Variants in CREBRF observed in about 807,000 individuals in gnomAD.
The protein encoded by CREBRF is CREB3 regulatory factor, also known as UPF0474 protein C5orf41.
In CREBRF, 5 loss-of-function variants were observed where a neutral mutation model predicts 66.1. That is an observed-to-expected ratio of 0.08 (90% CI 0.04 to 0.16). The LOEUF (loss-of-function observed/expected upper bound fraction) is 0.16, where lower values mean the gene tolerates loss of function less well. CREBRF is among the 10% of genes least tolerant of loss of function. The probability of loss-of-function intolerance (pLI) is 1.00; values close to 1 mark genes in which losing one functional copy is unlikely to be tolerated. For missense variants in CREBRF, 531 were observed against 744.9 expected (o/e 0.71, Z 3.34); for synonymous variants, 229 against 264.4 (o/e 0.87, Z 1.30).
intron 1 of CREBRF, among the ~76,000 whole-genome samples, chr5:173,069,948 G>C (rs1293618658): frequency 6.6e-6 from 1 of 151,804 alleles, no homozygotes; most frequent in Non-Finnish European, 1.5e-5. Flanking sequence ...TGTAGTCTAG[G>C]CTGGAATGCA....
At chr5:173,107,144 G>A (rs1250560190) in intron 4 of CREBRF, among the ~76,000 whole-genome samples, 4 of 152,150 alleles carry the variant, frequency 2.6e-5, no homozygotes, top group African/African-American at 4.8e-5. Flanking sequence ...GTATATAAAT[G>A]GAAGCATGCT....
chr5:173,120,196 T>C (rs930507759), intron 7 of CREBRF, among the ~76,000 whole-genome samples: 7 of 152,118 alleles, frequency 4.6e-5, no homozygotes, highest in Non-Finnish European at 1.0e-4. Context: ...TCTCTCTTTC[T>C]TTTTTGTTTG....
At chr5:173,091,801 A>G (rs1189396254) in intron 4 of CREBRF, 1 of 990,428 alleles carries the variant, frequency 1.0e-6, no homozygotes, top group East Asian at 1.1e-4. Context: ...ATTCCTGTTT[A>G]GGGCCAGGCG....
At chr5:173,074,391 A>G (rs1757698893) in intron 1 of CREBRF, among the ~76,000 whole-genome samples, 1 of 152,148 alleles carries the variant, frequency 6.6e-6, no homozygotes, top group African/African-American at 2.4e-5. Context: ...CAAAGATTAA[A>G]GTTGGATAGG....
At chr5:173,132,824 T>TCCGACCTCAGGTGATCTG (rs968974126) in intron 8 of CREBRF, among the ~76,000 whole-genome samples, 10 of 149,774 alleles carry the variant, frequency 6.7e-5, no homozygotes, top group African/African-American at 1.5e-4. Flanking sequence ...GTCTTGAACT[T>TCCGACCTCAGGTGATCTG]CCGACCTCAG....
intron 1 of CREBRF, among the ~76,000 whole-genome samples, chr5:173,073,419 A>C (rs1192697302): frequency 3.3e-5 from 5 of 152,232 alleles, no homozygotes; most frequent in Admixed American, 6.5e-5. Context: ...AATGTACTTT[A>C]ATCTGTAAAC....
At chr5:173,068,356 A>G (rs927440010) in intron 1 of CREBRF, among the ~76,000 whole-genome samples, 2 of 152,210 alleles carry the variant, frequency 1.3e-5, no homozygotes, top group Non-Finnish European at 2.9e-5. Flanking sequence ...CAAGTATGGT[A>G]TAAACTCTGT....
At chr5:173,129,832 GTTTT>G (rs1223571529) in intron 8 of CREBRF, among the ~76,000 whole-genome samples, 1 of 150,672 alleles carries the variant, frequency 6.6e-6, no homozygotes, top group African/African-American at 2.4e-5. Context: ...TTGTTTGTTT[GTTTT>G]TTGTTTTTGA....
At chr5:173,124,974 A>G (rs954137388) in intron 8 of CREBRF, among the ~76,000 whole-genome samples, 23 of 137,532 alleles carry the variant, frequency 1.7e-4, no homozygotes, top group Non-Finnish European at 7.6e-5. Flanking sequence ...GCAGTAGTGC[A>G]GTGGCACAAT....
intron 4 of CREBRF, among the ~76,000 whole-genome samples, chr5:173,094,433 C>T (rs1376920215): frequency 6.6e-6 from 1 of 152,174 alleles, no homozygotes; most frequent in African/African-American, 2.4e-5. Context: ...TTTTCCACAT[C>T]CTCAATAACA....
intron 1 of CREBRF, among the ~76,000 whole-genome samples, chr5:173,066,952 C>G (rs1757453613): frequency 6.6e-6 from 1 of 151,236 alleles, no homozygotes; most frequent in African/African-American, 2.4e-5. Context: ...GTGTCTGGGA[C>G]TACAGGTGCC....
chr5:173,132,747 G>GT (rs1759503395), intron 8 of CREBRF, among the ~76,000 whole-genome samples: 1 of 148,812 alleles, frequency 6.7e-6, no homozygotes, highest in Non-Finnish European at 1.5e-5. Flanking sequence ...TTATAGACAT[G>GT]TGCCACCACA....
At chr5:173,059,847 A>C (rs1243296109) in intron 1 of CREBRF, among the ~76,000 whole-genome samples, 1 of 152,202 alleles carries the variant, frequency 6.6e-6, no homozygotes, top group Non-Finnish European at 1.5e-5. Flanking sequence ...GGTTTTTTAT[A>C]TTCATAAGCA....
At chr5:173,092,148 G>A in intron 4 of CREBRF, 1 of 915,030 alleles carries the variant, frequency 1.1e-6, no homozygotes, top group Non-Finnish European at 1.3e-6. Context: ...TTATAGTTGA[G>A]ATAAGTTAGG....
At chr5:173,059,438 A>G (rs1363109781) in intron 1 of CREBRF, among the ~76,000 whole-genome samples, 1 of 150,630 alleles carries the variant, frequency 6.6e-6, no homozygotes, top group Admixed American at 6.6e-5. Flanking sequence ...CTAATTTTGT[A>G]TTTTTAGTAG....
intron 7 of CREBRF, among the ~76,000 whole-genome samples, chr5:173,113,498 G>C (rs1464761971): frequency 2.0e-5 from 3 of 151,866 alleles, no homozygotes; most frequent in Non-Finnish European, 2.9e-5. Flanking sequence ...AGTAGAGACA[G>C]TGTTTCACCA....
At chr5:173,071,104 G>A (rs959370878) in intron 1 of CREBRF, among the ~76,000 whole-genome samples, 2 of 152,046 alleles carry the variant, frequency 1.3e-5, no homozygotes, top group Non-Finnish European at 2.9e-5. Context: ...GAGTAAAGTG[G>A]GATTGTAACT....
At position 173,090,042 on chromosome 5, in the gene CREBRF, TTGATATTTGGATCATACC is replaced by T. The variant is rs1758281572; in HGVS notation, c.136-269_136-252del. Among the ~76,000 whole-genome samples, 2 of 152,176 alleles carry T rather than the reference TTGATATTTGGATCATACC, an allele frequency of 1.3e-5. No individual in the cohort carries two copies. Among genetic ancestry groups the T allele is most frequent in the South Asian group, 4.1e-4 (2 of 4,832 alleles). On this transcript the variant is annotated intron_variant, in intron 3 of 8. Coordinates refer to ENST00000296953, the MANE Select transcript of CREBRF (RefSeq NM_153607.3). The surrounding 1 kb of genome is among the most constrained non-coding windows in gnomAD (Gnocchi z 4.5). ...ATGTTTATGGTAAACTCAAGAGCCCTTGATATTTGGATCATACCTGAGCCTCTCAAGGGACACACTTTC... is the reference window on the plus strand; with the variant it reads ...ATGTTTATGGTAAACTCAAGAGCCCTTGAGCCTCTCAAGGGACACACTTTC...
At chr5:173,075,460 T>C (rs1462638500) in intron 1 of CREBRF, among the ~76,000 whole-genome samples, 1 of 152,200 alleles carries the variant, frequency 6.6e-6, no homozygotes, top group Non-Finnish European at 1.5e-5. Context: ...TGGCTTGACT[T>C]AGTAAGCATC....
Sources: gnomAD v4.1 joint callset for allele counts (sites outside exome capture counted in the v4.1 genomes callset) on GRCh38, gnomAD v4.1.1 for gene constraint, Gnocchi (gnomAD v3.1) non-coding constraint, MANE v1.5 for transcripts, NCBI Gene and HGNC (gene_info 2026-07-23, HGNC 2026-07-21) for gene names.